Variants in HS3ST1 observed in about 807,000 individuals in gnomAD.
The protein encoded by HS3ST1 is heparan sulfate-glucosamine 3-sulfotransferase 1.
HS3ST1 carries 8 observed loss-of-function variants against 20.7 expected under a neutral mutation model. The observed-to-expected ratio is 0.39, with a 90% CI of 0.23 to 0.70. The LOEUF is 0.70. Ranked by LOEUF, HS3ST1 falls within the 30% of genes least tolerant of loss-of-function variation. The probability of loss-of-function intolerance (pLI) is 0.46; values close to 1 mark genes in which losing one functional copy is unlikely to be tolerated. For synonymous variants in HS3ST1, 205 were observed against 190.4 expected (o/e 1.08, Z -0.63); for missense variants, 436 against 423.4 (o/e 1.03, Z -0.26).
chr4:11,408,913 G>A (rs1388946850), intron 1 of HS3ST1, among the ~76,000 whole-genome samples: 1 of 152,204 alleles, frequency 6.6e-6, no homozygotes, highest in Non-Finnish European at 1.5e-5. Flanking sequence ...CCCCTGGCTG[G>A]GGTGGACAGT....
chr4:11,432,114 T>A (rs1376401914), upstream of HS3ST1, among the ~76,000 whole-genome samples: 2 of 152,134 alleles, frequency 1.3e-5, no homozygotes, highest in African/African-American at 4.8e-5. Context: ...TTTTTCTGGT[T>A]TTTCTCTTTC....
At chr4:11,404,836 G>A (rs1718420346) in intron 1 of HS3ST1, among the ~76,000 whole-genome samples, 1 of 152,342 alleles carries the variant, frequency 6.6e-6, no homozygotes, top group South Asian at 2.1e-4. Flanking sequence ...TACTGAGCAG[G>A]CACTAGACTG....
intron 1 of HS3ST1, among the ~76,000 whole-genome samples, chr4:11,403,534 T>C (rs2108881643): frequency 6.6e-6 from 1 of 152,352 alleles, no homozygotes; most frequent in African/African-American, 2.4e-5. Context: ...CCTAGGACTT[T>C]TGGCTCCAGA....
chr4:11,402,163 A>G (rs1718343988), intron 1 of HS3ST1, among the ~76,000 whole-genome samples: 1 of 152,252 alleles, frequency 6.6e-6, no homozygotes, highest in African/African-American at 2.4e-5. Flanking sequence ...ATCCATTTTT[A>G]TGATCAACCA....
Position 11,399,409 on chromosome 4 carries a change from G to A in HS3ST1, c.597C>T (p.His199=), listed in dbSNP as rs376075496. Reference sequence around the variant, plus strand: ...GGAAAAAGCGCAGCCAGTTCTGCATGTGCACGTGGTAGAGGCTGCGGTTGA... The same window carrying A: ...GGAAAAAGCGCAGCCAGTTCTGCATATGCACGTGGTAGAGGCTGCGGTTGA... ...KALNRSLYHV[H]MQNWLRFFPL... Residue 199 remains histidine (H), a synonymous_variant, in exon 2 of 2, where the codon CAC becomes CAT. Transcript: ENST00000002596. The surrounding 1 kb of genome is among the most constrained non-coding windows in gnomAD (Gnocchi z 5.1). 2 of 1,614,020 alleles carry A rather than the reference G, an allele frequency of 1.2e-6. No homozygotes were observed. The highest frequency in any genetic ancestry group is 2.2e-5 in the East Asian group (1 of 44,882).
At chr4:11,427,773 G>A (rs923825176) in intron 1 of HS3ST1, among the ~76,000 whole-genome samples, 28 of 152,218 alleles carry the variant, frequency 1.8e-4, no homozygotes, top group Non-Finnish European at 3.2e-4. Context: ...TAACTGCAGA[G>A]CCCAGCACAC....
Position 11,424,072 on chromosome 4 carries a change from G to GGTCT in HS3ST1, c.-109+4626_-109+4627insAGAC, listed in dbSNP as rs1382305458. On this transcript the variant is annotated intron_variant, in intron 1 of 1. Coordinates refer to ENST00000002596, the MANE Select transcript of HS3ST1 (RefSeq NM_005114.4). ...AAAAAAAAAAAACATAACCAGGTCT[G>GGTCT]GCAAGACCAGACCTGAAGTCCCGCC... 1.3e-4 allele frequency among the ~76,000 whole-genome samples: 20 copies of GGTCT among 148,198 alleles called. 1 individual carries two copies. Among genetic ancestry groups the GGTCT allele is most frequent in the Admixed American group, 6.0e-4 (9 of 14,908 alleles).
At chr4:11,404,161 C>T (rs1718401170) in intron 1 of HS3ST1, among the ~76,000 whole-genome samples, 1 of 152,124 alleles carries the variant, frequency 6.6e-6, no homozygotes, top group Non-Finnish European at 1.5e-5. Context: ...TCTTGTGCCT[C>T]AGCTTCCCAA....
intron 1 of HS3ST1, among the ~76,000 whole-genome samples, chr4:11,425,061 G>A (rs73220401): frequency 0.034 from 5,198 of 152,240 alleles, 139 homozygotes; most frequent in Non-Finnish European, 0.051. Flanking sequence ...TAAGTTTTCC[G>A]ATCGGCAGAT....
Position 11,394,654 on chromosome 4 carries a change from T to C in HS3ST1, c.*4428A>G, listed in dbSNP as rs1718088953. On this transcript the variant is annotated 3_prime_UTR_variant, in exon 2 of 2. Coordinates refer to ENST00000002596, the MANE Select transcript of HS3ST1 (RefSeq NM_005114.4). ...GATGCCCATAATTTCCCTTACAGGC[T>C]CTGCCTAATAGACAGATGCATATGC... The C allele has an allele frequency of 6.6e-6, 1 of 152,226 alleles. No individual in the cohort carries two copies. Among genetic ancestry groups the C allele is most frequent in the Admixed American group, 6.5e-5 (1 of 15,284 alleles). The allele number at this position is 152,226 out of a possible 1,614,324, so 9.4% of individuals were successfully genotyped here.
Position 11,393,735 on chromosome 4 carries a change from G to A in HS3ST1, c.*5347C>T, listed in dbSNP as rs1327786421. ...AGAGGTTGTCCTGCCTGGAGGCAAT[G>A]AGGGTGGACTGTTACCCTACTACCC... On this transcript the variant is annotated 3_prime_UTR_variant, in exon 2 of 2. Coordinates refer to ENST00000002596, the MANE Select transcript of HS3ST1 (RefSeq NM_005114.4). The A allele has an allele frequency of 6.6e-6, 1 of 152,272 alleles. No homozygotes were observed. Among genetic ancestry groups the A allele is most frequent in the Non-Finnish European group, 1.5e-5 (1 of 68,076 alleles). The allele number at this position is 152,272 out of a possible 1,614,324, so 9.4% of individuals were successfully genotyped here. A position where few individuals can be genotyped will look rare whatever the true frequency, so the allele number is the denominator to read the frequency against.
At position 11,395,994 on chromosome 4, in the gene HS3ST1, T is replaced by A. The variant is rs998809957; in HGVS notation, c.*3088A>T. 5.3e-5 allele frequency: 8 copies of A among 152,204 alleles called. No individual in the cohort carries two copies. Among genetic ancestry groups the A allele is most frequent in the African/African-American group, 1.9e-4 (8 of 41,446 alleles). 9.4% of individuals were successfully genotyped at this position (152,204 alleles called of 1,614,324 possible). ...ACTACTGGTTCCTGTTGTATTTTCT[T>A]TTTATATTCTTGAGGACTCAATACC... is the stretch of plus-strand genomic sequence containing the variant. On this transcript the variant is annotated 3_prime_UTR_variant, in exon 2 of 2. Coordinates refer to ENST00000002596, the MANE Select transcript of HS3ST1 (RefSeq NM_005114.4).
intron 1 of HS3ST1, among the ~76,000 whole-genome samples, chr4:11,404,538 T>G (rs746523208): frequency 6.6e-6 from 1 of 152,184 alleles, no homozygotes; most frequent in African/African-American, 2.4e-5. Flanking sequence ...GGTCTTTAAG[T>G]GTGGAACACA....
chr4:11,418,523 A>T (rs564743464), intron 1 of HS3ST1, among the ~76,000 whole-genome samples: 1 of 152,290 alleles, frequency 6.6e-6, no homozygotes, highest in South Asian at 2.1e-4. Flanking sequence ...TGGATCAGGG[A>T]ATAGTCTCTC....
Position 11,428,829 on chromosome 4 carries a change from G to A in HS3ST1, c.-239C>T, listed in dbSNP as rs1223448470. Reference sequence around the variant, plus strand: ...ATGGCCCGGGGCAGGCGGGCGGGGAGAAGGCGCAGGCACCCACTGAGACCC... The same window carrying A: ...ATGGCCCGGGGCAGGCGGGCGGGGAAAAGGCGCAGGCACCCACTGAGACCC... On this transcript the variant is annotated 5_prime_UTR_variant, in exon 1 of 2. Transcript: ENST00000002596. 1 of 152,908 alleles carries A rather than the reference G, an allele frequency of 6.5e-6. No individual in the cohort carries two copies. 9.5% of individuals were successfully genotyped at this position (152,908 alleles called of 1,614,324 possible). A position where few individuals can be genotyped will look rare whatever the true frequency, so the allele number is the denominator to read the frequency against.
At chr4:11,400,944 A>C (rs1718307947) in intron 1 of HS3ST1, among the ~76,000 whole-genome samples, 1 of 152,218 alleles carries the variant, frequency 6.6e-6, no homozygotes, top group African/African-American at 2.4e-5. Flanking sequence ...GGGAGGATGA[A>C]AGACACACAG....
intron 1 of HS3ST1, among the ~76,000 whole-genome samples, chr4:11,424,844 A>G (rs1434456146): frequency 7.6e-6 from 1 of 131,358 alleles, no homozygotes; most frequent in African/African-American, 2.9e-5. Flanking sequence ...ACAAGGAGAA[A>G]GAGGCCCATC....
chr4:11,430,835 T>C (rs1473566924), upstream of HS3ST1, among the ~76,000 whole-genome samples: 5 of 152,202 alleles, frequency 3.3e-5, no homozygotes, highest in Admixed American at 3.3e-4. Context: ...AGGACTAACA[T>C]TTTAGTTTTC....
chr4:11,430,423 T>C (rs1161839169), upstream of HS3ST1, among the ~76,000 whole-genome samples: 2 of 152,198 alleles, frequency 1.3e-5, no homozygotes, highest in Non-Finnish European at 2.9e-5. Context: ...TGTAAAATCA[T>C]GTGTGAGGTT....
Sources: allele counts gnomAD v4.1 joint callset (sites outside exome capture counted in the v4.1 genomes callset), GRCh38; gene constraint gnomAD v4.1.1; non-coding constraint Gnocchi (gnomAD v3.1); transcripts MANE v1.5; gene names NCBI Gene and HGNC (gene_info 2026-07-23, HGNC 2026-07-21).